Variants in EBF1 observed in about 807,000 individuals in gnomAD.
The protein encoded by EBF1 is transcription factor COE1.
In EBF1, 10 loss-of-function variants were observed where a neutral mutation model predicts 68.4. The ratio of observed to expected loss-of-function variants is 0.15; its 90% confidence interval spans 0.09 to 0.25. The LOEUF (loss-of-function observed/expected upper bound fraction) is 0.25, where lower values mean the gene tolerates loss of function less well. Ranked by LOEUF, EBF1 falls within the 10% of genes least tolerant of loss-of-function variation. The pLI, the probability that EBF1 is intolerant of heterozygous loss-of-function variation, is 1.00. For missense variants in EBF1, 509 were observed against 794.4 expected (o/e 0.64, Z 4.32); for synonymous variants, 298 against 299.8 (o/e 0.99, Z 0.06).
At chr5:159,063,400 G>A (rs187295444) in intron 6 of EBF1, among the ~76,000 whole-genome samples, 301 of 152,228 alleles carry the variant, frequency 2.0e-3, no homozygotes, top group African/African-American at 6.7e-3. Flanking sequence ...ACTTTAACCC[G>A]GGGATATTTT....
In EBF1 at chr5:159,041,001, G is replaced by A. The variant is rs750600540; in HGVS notation, c.554+32395C>T. ...GATTTTATAGTAGCTGTTTAGAAACGGATTCTGTGCTACATATCTACAGAG... is the reference window on the plus strand; with the variant it reads ...GATTTTATAGTAGCTGTTTAGAAACAGATTCTGTGCTACATATCTACAGAG... On this transcript the variant is annotated intron_variant, in intron 6 of 15. Transcript: ENST00000313708. 2.4e-4 allele frequency among the ~76,000 whole-genome samples: 36 copies of A among 152,248 alleles called. 1 individual carries two copies. Among genetic ancestry groups the A allele is most frequent in the Non-Finnish European group, 3.5e-4 (24 of 68,022 alleles).
At chr5:158,839,962 A>T in intron 7 of EBF1, 67 bp downstream of exon 7, 1 of 1,509,884 alleles carries the variant, frequency 6.6e-7, no homozygotes, top group Non-Finnish European at 9.2e-7. Flanking sequence ...CTTCTGCCTA[A>T]GACTTTTTTA....
At chr5:158,940,744 G>T (rs115129307) in intron 6 of EBF1, among the ~76,000 whole-genome samples, 991 of 60,526 alleles carry the variant, frequency 0.016, 49 homozygotes, top group African/African-American at 0.055. Context: ...CCTTCTGACT[G>T]CACCCCCTTC....
intron 7 of EBF1, among the ~76,000 whole-genome samples, chr5:158,831,322 C>T (rs1211155696): frequency 6.6e-6 from 1 of 152,150 alleles, no homozygotes; most frequent in African/African-American, 2.4e-5. Context: ...ATTTGATCCC[C>T]AGTCCCATCA....
At chr5:158,701,842 T>A (rs891663518) in intron 15 of EBF1, among the ~76,000 whole-genome samples, 1 of 152,204 alleles carries the variant, frequency 6.6e-6, no homozygotes, top group Non-Finnish European at 1.5e-5. Context: ...CTACCTCGCC[T>A]TCATCAGCCG....
At chr5:158,717,868 C>T (rs1379274446) in intron 11 of EBF1, among the ~76,000 whole-genome samples, 2 of 152,120 alleles carry the variant, frequency 1.3e-5, no homozygotes, top group South Asian at 2.1e-4. Context: ...ACTATCAAAA[C>T]GTGGCTTCAC....
intron 10 of EBF1, among the ~76,000 whole-genome samples, chr5:158,769,761 T>C (rs1394823577): frequency 6.6e-6 from 1 of 152,138 alleles, no homozygotes; most frequent in Non-Finnish European, 1.5e-5. Flanking sequence ...ACCTACCCTT[T>C]GTATCACAAA....
chr5:158,922,690 G>C (rs1166010458), intron 6 of EBF1, among the ~76,000 whole-genome samples: 2 of 152,154 alleles, frequency 1.3e-5, no homozygotes, highest in Non-Finnish European at 2.9e-5. Context: ...TGGACACTAA[G>C]AGAAAAATTA....
chr5:159,002,890 G>A (rs1056267660), intron 6 of EBF1, among the ~76,000 whole-genome samples: 1 of 152,196 alleles, frequency 6.6e-6, no homozygotes, highest in African/African-American at 2.4e-5. Context: ...TGGAGAGCTA[G>A]AGGACTAATT....
intron 9 of EBF1, among the ~76,000 whole-genome samples, chr5:158,796,065 A>G (rs925962128): frequency 2.0e-5 from 3 of 152,150 alleles, no homozygotes; most frequent in Non-Finnish European, 4.4e-5. Context: ...TTCCCAACAT[A>G]CAATAGGACC....
chr5:158,721,342 A>G (rs938616416), intron 11 of EBF1, among the ~76,000 whole-genome samples: 1 of 152,202 alleles, frequency 6.6e-6, no homozygotes, highest in Admixed American at 6.5e-5. Flanking sequence ...GGCTATATCA[A>G]CGTAAGACAT....
intron 15 of EBF1, among the ~76,000 whole-genome samples, chr5:158,702,857 C>G (rs909279493): frequency 6.7e-6 from 1 of 148,640 alleles, no homozygotes; most frequent in African/African-American, 2.5e-5. Context: ...GAAAAAATGA[C>G]GATTCCATAG....
At position 159,072,340 on chromosome 5, in the gene EBF1, C is replaced by T. The variant is rs144607989; in HGVS notation, c.554+1056G>A. On this transcript the variant is annotated intron_variant, in intron 6 of 15. Coordinates refer to ENST00000313708, the MANE Select transcript of EBF1 (RefSeq NM_024007.5). ...ATAAATTATGTTGAAGCGAAGTAAA[C>T]ATCTTGTTTTTTGTTGTTGTCATTG... Among the ~76,000 whole-genome samples, 241 of 152,260 alleles carry T rather than the reference C, an allele frequency of 1.6e-3. 3 individuals are homozygous for T. The South Asian group carries it at 0.046, about 29-fold the overall frequency.
chr5:158,902,598 A>T (rs372480582), intron 6 of EBF1, among the ~76,000 whole-genome samples: 13 of 140,508 alleles, frequency 9.3e-5, no homozygotes, highest in East Asian at 6.0e-4. Context: ...GAATAATTTT[A>T]TTATTATTAT....
At chr5:158,908,153 T>C (rs1805071554) in intron 6 of EBF1, among the ~76,000 whole-genome samples, 1 of 152,220 alleles carries the variant, frequency 6.6e-6, no homozygotes, top group South Asian at 2.1e-4. Flanking sequence ...CCTCTCACTA[T>C]ATCCTCATCT....
intron 14 of EBF1, among the ~76,000 whole-genome samples, chr5:158,708,657 G>A (rs1758441473): frequency 6.6e-6 from 1 of 152,166 alleles, no homozygotes; most frequent in Non-Finnish European, 1.5e-5. Context: ...GCAGGGAAGG[G>A]AAATCAGAGA....
At chr5:159,021,393 G>C (rs888987) in intron 6 of EBF1, among the ~76,000 whole-genome samples, 55,933 of 152,048 alleles carry the variant, frequency 0.37, 10,473 homozygotes, top group South Asian at 0.44. Context: ...TTTCCAAACA[G>C]AATTCTCATT....
At chr5:159,095,422 G>A (rs1782419105) in intron 4 of EBF1, among the ~76,000 whole-genome samples, 198 bp downstream of exon 4, 1 of 152,130 alleles carries the variant, frequency 6.6e-6, no homozygotes, top group Non-Finnish European at 1.5e-5. Flanking sequence ...AGGGACGCGC[G>A]CGCGTCGAGC....
chr5:158,707,729 T>G (rs1289509073), intron 15 of EBF1: 1 of 484,192 alleles, frequency 2.1e-6, no homozygotes, highest in African/African-American at 1.9e-5. Context: ...ATCCCGGGCC[T>G]GAGCAGAATT....
Sources: allele counts gnomAD v4.1 joint callset (sites outside exome capture counted in the v4.1 genomes callset), GRCh38; gene constraint gnomAD v4.1.1; transcripts MANE v1.5; gene names NCBI Gene and HGNC (gene_info 2026-07-23, HGNC 2026-07-21).